CSNK1G1: variants seen among roughly 807,000 people sequenced by gnomAD.
CSNK1G1 encodes casein kinase 1 gamma 1, also known as casein kinase I isoform gamma-1.
A neutral mutation model predicts 59.6 loss-of-function variants in CSNK1G1; 22 were observed. The observed-to-expected ratio is 0.37, with a 90% CI of 0.26 to 0.53. The LOEUF (loss-of-function observed/expected upper bound fraction) is 0.53. Ranked by LOEUF, CSNK1G1 falls within the 20% of genes least tolerant of loss-of-function variation. The probability of loss-of-function intolerance (pLI) is 0.89; values close to 1 mark genes in which losing one functional copy is unlikely to be tolerated. For synonymous variants in CSNK1G1, 179 were observed against 177.1 expected, an observed-to-expected ratio of 1.01 and a Z score of -0.08; for missense variants, 384 against 519.5, an observed-to-expected ratio of 0.74 and a Z score of 2.54.
Position 64,188,750 on chromosome 15 carries a change from G to GA in CSNK1G1, c.1108-8297dup, listed in dbSNP as rs35778657. Among the ~76,000 whole-genome samples the GA allele has an allele frequency of 0.22, 33,965 of 152,000 alleles. 5,638 individuals carry two copies. The highest frequency in any genetic ancestry group is 0.8 in the East Asian group (4,144 of 5,152). ...TAACGACCAAAAGAGGAGGGAGGGG[G>GA]AAAAAACACACAGTCAAAGCTGGGA... On this transcript the variant is annotated intron_variant, in intron 10 of 11. Coordinates refer to ENST00000303052, the MANE Select transcript of CSNK1G1 (RefSeq NM_022048.5). This position sits in a 1 kb window ranked among gnomAD's most constrained non-coding sequence, Gnocchi z 4.2.
intron 4 of CSNK1G1, among the ~76,000 whole-genome samples, chr15:64,238,538 T>TG (rs1308962985): frequency 8.1e-6 from 1 of 123,478 alleles, no homozygotes; most frequent in African/African-American, 3.2e-5. Context: ...TATATATATA[T>TG]ATATATGAAA....
chr15:64,173,532 G>A (rs964786430), intron 11 of CSNK1G1, among the ~76,000 whole-genome samples: 1 of 151,234 alleles, frequency 6.6e-6, no homozygotes, highest in African/African-American at 2.4e-5. Flanking sequence ...CAACATTTTT[G>A]ATTGTTAAAA....
chr15:64,207,814 A>G (rs1170197058), intron 6 of CSNK1G1, among the ~76,000 whole-genome samples: 1 of 152,240 alleles, frequency 6.6e-6, no homozygotes, highest in African/African-American at 2.4e-5. Context: ...TCAAGAGAAA[A>G]GAGCAAATTC....
At chr15:64,189,815 CTT>C (rs970702567) in intron 10 of CSNK1G1, among the ~76,000 whole-genome samples, 11,797 of 126,624 alleles carry the variant, frequency 0.093, 243 homozygotes, top group South Asian at 0.14. Context: ...CTACAATTTA[CTT>C]TTTTTTTTTT....
chr15:64,202,548 CTT>C (rs869164024), intron 10 of CSNK1G1, among the ~76,000 whole-genome samples: 100 of 139,722 alleles, frequency 7.2e-4, no homozygotes, highest in Admixed American at 6.5e-4. Context: ...GGCCCACACA[CTT>C]TTTTTTTTTT....
At chr15:64,331,957 A>C (rs1323285002) in intron 1 of CSNK1G1, among the ~76,000 whole-genome samples, 2 of 151,752 alleles carry the variant, frequency 1.3e-5, no homozygotes, top group East Asian at 3.9e-4. Context: ...AGAAATGCAA[A>C]TCAAAACCAC....
At chr15:64,174,600 T>C (rs182992400) in intron 11 of CSNK1G1, among the ~76,000 whole-genome samples, 93 of 152,306 alleles carry the variant, frequency 6.1e-4, no homozygotes, top group Non-Finnish European at 1.2e-3. Context: ...GTTGATTCTT[T>C]GACTGTTTAG....
intron 1 of CSNK1G1, among the ~76,000 whole-genome samples, chr15:64,321,750 A>C (rs1285847542): frequency 6.6e-6 from 1 of 152,234 alleles, no homozygotes; most frequent in Admixed American, 6.5e-5. Flanking sequence ...ACCTAACACC[A>C]GTATTAATAA....
chr15:64,215,092 T>C (rs1436867553), intron 5 of CSNK1G1, among the ~76,000 whole-genome samples: 3 of 152,188 alleles, frequency 2.0e-5, no homozygotes, highest in Admixed American at 6.5e-5. Context: ...CGAGCCACCA[T>C]GCCTGGCCAG....
intron 4 of CSNK1G1, among the ~76,000 whole-genome samples, chr15:64,239,283 T>C (rs934964648): frequency 6.6e-6 from 1 of 152,222 alleles, no homozygotes; most frequent in African/African-American, 2.4e-5. Context: ...AACTCTTTAG[T>C]AATAGACCCC....
At chr15:64,202,994 C>T in intron 10 of CSNK1G1, 88 bp downstream of exon 10, 1 of 936,512 alleles carries the variant, frequency 1.1e-6, no homozygotes, top group Admixed American at 1.9e-5. Context: ...TCAGTACATA[C>T]ACTAAAGCGG....
chr15:64,342,566 T>C (rs1439119181), intron 1 of CSNK1G1: 1 of 152,224 alleles, frequency 6.6e-6, no homozygotes, highest in Admixed American at 6.5e-5. Context: ...AGATACTTCC[T>C]GTTACTCTCT....
chr15:64,295,176 C>T (rs1466077281), intron 2 of CSNK1G1, among the ~76,000 whole-genome samples: 3 of 152,136 alleles, frequency 2.0e-5, no homozygotes, highest in Non-Finnish European at 2.9e-5. Flanking sequence ...TCTATCTTAC[C>T]TGCCTTCCCA....
intron 10 of CSNK1G1, among the ~76,000 whole-genome samples, chr15:64,197,477 C>T (rs986132995): frequency 3.3e-5 from 5 of 152,160 alleles, no homozygotes; most frequent in Admixed American, 2.0e-4. Flanking sequence ...GTAATAGTAC[C>T]ACATGCCTCC....
At chr15:64,336,171 C>G (rs993747469) in intron 1 of CSNK1G1, among the ~76,000 whole-genome samples, 1 of 152,178 alleles carries the variant, frequency 6.6e-6, no homozygotes, top group Non-Finnish European at 1.5e-5. Flanking sequence ...ATGCCCAAAA[C>G]AGAGTAAACA....
intron 2 of CSNK1G1, among the ~76,000 whole-genome samples, chr15:64,281,486 T>C (rs1403953427): frequency 1.3e-5 from 2 of 152,048 alleles, no homozygotes; most frequent in Admixed American, 6.6e-5. Flanking sequence ...GGTAGTTACC[T>C]GGGAAGAGGG....
intron 2 of CSNK1G1, among the ~76,000 whole-genome samples, chr15:64,261,489 T>A (rs183687926): frequency 2.8e-4 from 43 of 152,072 alleles, no homozygotes; most frequent in Admixed American, 5.9e-4. Context: ...TAATCCCAGC[T>A]ACTCAGCAGA....
intron 1 of CSNK1G1, among the ~76,000 whole-genome samples, chr15:64,325,876 G>A (rs1896810444): frequency 6.6e-6 from 1 of 152,222 alleles, no homozygotes; most frequent in South Asian, 2.1e-4. Flanking sequence ...GAGACAGAGA[G>A]TTAGTTCAAA....
At chr15:64,347,204 C>A (rs1898023910) in intron 1 of CSNK1G1, among the ~76,000 whole-genome samples, 3 of 152,146 alleles carry the variant, frequency 2.0e-5, no homozygotes, top group Non-Finnish European at 4.4e-5. Context: ...CGTAGGAATA[C>A]AAAATGGTAT....
Sources: gnomAD v4.1 joint callset for allele counts (sites outside exome capture counted in the v4.1 genomes callset) on GRCh38, gnomAD v4.1.1 for gene constraint, Gnocchi (gnomAD v3.1) non-coding constraint, MANE v1.5 for transcripts, NCBI Gene and HGNC (gene_info 2026-07-23, HGNC 2026-07-21) for gene names.